The following RGS7 variants were observed in gnomAD, a reference collection of about 807,000 sequenced individuals.
RGS7 encodes regulator of G protein signaling 7.
RGS7 carries 27 observed loss-of-function variants against 81.1 expected under a neutral mutation model. The observed-to-expected ratio is 0.33, with a 90% confidence interval of 0.25 to 0.46. RGS7 has a LOEUF of 0.46. Among genes scored for constraint, RGS7 ranks in the 20% least tolerant of loss-of-function variants. The probability of loss-of-function intolerance (pLI) is 1.00; values close to 1 mark genes in which losing one functional copy is unlikely to be tolerated. For synonymous variants in RGS7, 208 were observed against 207.7 expected, an observed-to-expected ratio of 1.00 and a Z score of -0.01; for missense variants, 396 against 607.4, an observed-to-expected ratio of 0.65 and a Z score of 3.66.
intron 2 of RGS7, among the ~76,000 whole-genome samples, chr1:241,115,252 T>C (rs1412701269): frequency 6.6e-6 from 1 of 152,204 alleles, no homozygotes; most frequent in Non-Finnish European, 1.5e-5. Flanking sequence ...TCTTTAAAAC[T>C]AGATCTGATC....
intron 6 of RGS7, among the ~76,000 whole-genome samples, chr1:240,877,342 A>T (rs1390760981): frequency 1.3e-5 from 2 of 150,164 alleles, no homozygotes; most frequent in African/African-American, 4.9e-5. Context: ...ATACAGAAAA[A>T]ATATATAAAG....
rs560872162 is a variant in RGS7, at chr1:241,265,659, T to C, written c.78+90040A>G. 1.2e-4 allele frequency among the ~76,000 whole-genome samples: 18 copies of C among 152,124 alleles called. No individual in the cohort carries two copies. In the East Asian group the frequency reaches 3.1e-3, roughly 26 times the overall value. On this transcript the variant is annotated intron_variant, in intron 2 of 18. Transcript: ENST00000440928. ...CAAAGACTGAGCCACAGAGGGCAGA[T>C]ACAAATGAGTCAATAGATGCTCAAT...
rs557722212 is a variant in RGS7 at position 241,144,797 on chromosome 1, G to A, written c.79-46035C>T. 2.0e-4 allele frequency among the ~76,000 whole-genome samples: 31 copies of A among 152,284 alleles called. 1 individual carries two copies. In the South Asian group the frequency reaches 5.8e-3, roughly 29 times the overall value. ...GTTGGGCAAAGGAACCCTGGAACTC[G>A]TTGAGGTTGCAGGAACATACAGAAG... On this transcript the variant is annotated intron_variant, in intron 2 of 18. Coordinates refer to ENST00000440928, the MANE Select transcript of RGS7 (RefSeq NM_001364886.1). The surrounding 1 kb of genome is among the most constrained non-coding windows in gnomAD (Gnocchi z 4.7).
intron 6 of RGS7, among the ~76,000 whole-genome samples, chr1:240,915,075 G>A (rs1286134773): frequency 1.3e-5 from 2 of 152,220 alleles, no homozygotes; most frequent in African/African-American, 2.4e-5. Flanking sequence ...TTTGCACAAT[G>A]AGGGTCAGGG....
In RGS7 at chr1:240,814,926, G is replaced by T. The variant is rs565838935; in HGVS notation, c.784-149C>A. 6.6e-4 allele frequency: 439 copies of T among 666,332 alleles called. 2 individuals carry two copies. In the South Asian group the frequency reaches 7.2e-3, roughly 11 times the overall value. 41.3% of individuals were successfully genotyped at this position (666,332 alleles called of 1,614,324 possible). A position where few individuals can be genotyped will look rare whatever the true frequency, so the allele number is the denominator to read the frequency against. On this transcript the variant is annotated intron_variant, in intron 11 of 18. Transcript: ENST00000440928. ...TTGGTTAAAAAAATAGAAGCAGAGG[G>T]CTCTTAAAGAGTTAACAAAATGAAA...
intron 2 of RGS7, among the ~76,000 whole-genome samples, chr1:241,193,595 C>T (rs2072851391): frequency 6.6e-6 from 1 of 152,178 alleles, no homozygotes; most frequent in African/African-American, 2.4e-5. Context: ...TACATATAGA[C>T]AAATGGTCTA....
At chr1:241,017,036 T>C (rs1220050965) in intron 3 of RGS7, among the ~76,000 whole-genome samples, 3 of 152,200 alleles carry the variant, frequency 2.0e-5, no homozygotes, top group Non-Finnish European at 2.9e-5. Flanking sequence ...ACAATAGATA[T>C]TTTTAAATGA....
chr1:241,077,947 C>T (rs2062896215), intron 3 of RGS7, among the ~76,000 whole-genome samples: 1 of 151,940 alleles, frequency 6.6e-6, no homozygotes, highest in Admixed American at 6.6e-5. Flanking sequence ...TATTTTATGA[C>T]GTCACATGAT....
At chr1:241,116,339 T>C (rs1325651126) in intron 2 of RGS7, among the ~76,000 whole-genome samples, 1 of 152,192 alleles carries the variant, frequency 6.6e-6, no homozygotes, top group Non-Finnish European at 1.5e-5. Flanking sequence ...TGCCAATTTA[T>C]GTTTTAAAAG....
At chr1:240,906,027 G>C (rs529139616) in intron 6 of RGS7, among the ~76,000 whole-genome samples, 1 of 152,230 alleles carries the variant, frequency 6.6e-6, no homozygotes, top group South Asian at 2.1e-4. Flanking sequence ...CATCTGCCCG[G>C]CATAGTCCTA....
chr1:240,985,404 TA>T (rs1685507905), intron 3 of RGS7, among the ~76,000 whole-genome samples: 6 of 152,202 alleles, frequency 3.9e-5, no homozygotes, highest in Non-Finnish European at 8.8e-5. Context: ...ACTAAGTTTT[TA>T]AAAATATTCT....
chr1:240,938,829 T>C (rs907049057), intron 4 of RGS7, among the ~76,000 whole-genome samples: 3 of 152,064 alleles, frequency 2.0e-5, no homozygotes, highest in African/African-American at 7.2e-5. Flanking sequence ...TGCGTGTGTG[T>C]GTGTGTGTGT....
chr1:240,855,962 A>AT (rs1211041059), intron 9 of RGS7, among the ~76,000 whole-genome samples: 2 of 152,128 alleles, frequency 1.3e-5, no homozygotes, highest in Non-Finnish European at 2.9e-5. Context: ...TCTTTTCCCA[A>AT]TTTTTAATAG....
At chr1:241,099,241 C>T (rs116763500) in intron 2 of RGS7, among the ~76,000 whole-genome samples, 2,721 of 152,244 alleles carry the variant, frequency 0.018, 37 homozygotes, top group Middle Eastern at 0.034. Flanking sequence ...GCCTAGAAAT[C>T]CAGGACTGAT....
At chr1:240,802,115 G>A (rs1688121113) in intron 16 of RGS7, among the ~76,000 whole-genome samples, 1 of 152,098 alleles carries the variant, frequency 6.6e-6, no homozygotes, top group African/African-American at 2.4e-5. Context: ...TAGTTGTAAA[G>A]GCAATGGACT....
chr1:241,070,127 C>T (rs1336997050), intron 3 of RGS7, among the ~76,000 whole-genome samples: 8 of 152,078 alleles, frequency 5.3e-5, no homozygotes. Flanking sequence ...TGCTCTGATG[C>T]CAAGTGTCAG....
chr1:241,016,840 T>C (rs2059273258), intron 3 of RGS7, among the ~76,000 whole-genome samples: 1 of 152,176 alleles, frequency 6.6e-6, no homozygotes, highest in Non-Finnish European at 1.5e-5. Flanking sequence ...ATTATTGCTA[T>C]ATTCAGATAA....
chr1:241,222,583 T>C (rs2075075473), intron 2 of RGS7, among the ~76,000 whole-genome samples: 1 of 152,164 alleles, frequency 6.6e-6, no homozygotes, highest in African/African-American at 2.4e-5. Flanking sequence ...ATTATCGTTA[T>C]TATTAATAGT....
chr1:241,209,191 G>A (rs967185792), intron 2 of RGS7, among the ~76,000 whole-genome samples: 2 of 152,170 alleles, frequency 1.3e-5, no homozygotes, highest in Non-Finnish European at 2.9e-5. Context: ...TGTCCACTCT[G>A]CCACTTTTAA....
Sources: allele counts gnomAD v4.1 joint callset (sites outside exome capture counted in the v4.1 genomes callset), GRCh38; gene constraint gnomAD v4.1.1; non-coding constraint Gnocchi (gnomAD v3.1); transcripts MANE v1.5; gene names NCBI Gene and HGNC (gene_info 2026-07-23, HGNC 2026-07-21).